Variants in SLCO2B1 observed in about 807,000 individuals in gnomAD.
SLCO2B1 encodes the protein solute carrier organic anion transporter family member 2B1, also known as OATP-RP2.
SLCO2B1 carries 41 observed loss-of-function variants against 67.3 expected under a neutral mutation model. The observed-to-expected ratio is 0.61, with a 90% CI of 0.47 to 0.79. The LOEUF (loss-of-function observed/expected upper bound fraction) is 0.79, where lower values mean the gene tolerates loss of function less well. Ranked by LOEUF, SLCO2B1 falls within the 30% of genes least tolerant of loss-of-function variation. The pLI, the probability that SLCO2B1 is intolerant of heterozygous loss-of-function variation, is 0.00. For missense variants in SLCO2B1, 837 were observed against 920.1 expected, an observed-to-expected ratio of 0.91 and a Z score of 1.17; for synonymous variants, 379 against 381.4, an observed-to-expected ratio of 0.99 and a Z score of 0.07.
intron 7 of SLCO2B1, among the ~76,000 whole-genome samples, chr11:75,175,822 TGAC>T (rs1264869164): frequency 1.3e-5 from 2 of 152,130 alleles, no homozygotes; most frequent in Non-Finnish European, 2.9e-5. Context: ...GAATGACAAA[TGAC>T]AGCTCAGATT....
chr11:75,153,539 A>G (rs533825118), intron 1 of SLCO2B1, among the ~76,000 whole-genome samples: 1 of 152,340 alleles, frequency 6.6e-6, no homozygotes, highest in African/African-American at 2.4e-5. Context: ...TCTGCCTGGT[A>G]CCAGAGCTCT....
At chr11:75,186,932 TGGA>T (rs1944945221) in intron 7 of SLCO2B1, among the ~76,000 whole-genome samples, 1 of 152,258 alleles carries the variant, frequency 6.6e-6, no homozygotes, top group Non-Finnish European at 1.5e-5. Context: ...GCTCAGGCTC[TGGA>T]GCCAAGCCGT....
chr11:75,162,721 C>A lies in SLCO2B1; in HGVS notation c.83C>A (p.Thr28Lys), dbSNP rs1949836662. Residue 28 changes from threonine to lysine, a missense_variant, in exon 2 of 14, where the codon ACA (threonine) becomes AAA (lysine). By Grantham distance (78) the Thr-to-Lys change is moderately conservative. Coordinates refer to ENST00000289575, the MANE Select transcript of SLCO2B1 (RefSeq NM_007256.5). ...AAAGCCACAATGGGCACAGAAAACA[C>A]ACCTGGAGGCAAAGCCAGCCCAGAC... ...ETKATMGTEN[T>K]PGGKASPDPQ... The A allele has an allele frequency of 6.2e-7, 1 of 1,611,348 alleles. No individual in the cohort carries two copies. Among genetic ancestry groups the A allele is most frequent in the Non-Finnish European group, 8.5e-7 (1 of 1,177,968 alleles).
In SLCO2B1 at chr11:75,165,960, C is replaced by T. The variant is rs1389886453; in HGVS notation, c.448+11C>T. On this transcript the variant is annotated intron_variant, in intron 4 of 13. Coordinates refer to ENST00000289575, the MANE Select transcript of SLCO2B1 (RefSeq NM_007256.5). ...ACAACACCAGCCCTGGTAAGAGCAG[C>T]AGGGGCTGGGCAGGAGTGGGACGTT... The T allele has an allele frequency of 1.9e-6, 3 of 1,610,582 alleles. No individual in the cohort carries two copies. The highest frequency in any genetic ancestry group is 2.7e-5 in the African/African-American group (2 of 74,950).
At chr11:75,179,194 G>A (rs1950063716) in intron 7 of SLCO2B1, among the ~76,000 whole-genome samples, 1 of 144,822 alleles carries the variant, frequency 6.9e-6, no homozygotes, top group Non-Finnish European at 1.5e-5. Context: ...GTGCATAGGT[G>A]GGTATGTTTA....
intron 10 of SLCO2B1, 139 bp from the exon 11 acceptor site, chr11:75,200,085 C>T (rs991698179): frequency 6.9e-5 from 57 of 832,062 alleles, no homozygotes; most frequent in Non-Finnish European, 8.9e-5. Flanking sequence ...CAACGGGTCA[C>T]GATCTCGGAC....
At position 75,193,468 on chromosome 11, in the gene SLCO2B1, C is replaced by T. The variant is rs765196244; in HGVS notation, c.1326C>T (p.Cys442=). 7 of 1,611,534 alleles carry T rather than the reference C, an allele frequency of 4.3e-6. No homozygotes were observed. Among genetic ancestry groups the T allele is most frequent in the South Asian group, 1.1e-5 (1 of 90,918 alleles). ...GGCTCCACCTGGGCCCTGTGGGATG[C>T]GGTGCCCTTTGCCTGCTGGGGATGC... The part of the protein sequence containing the change: ...VKRLHLGPVG[C]GALCLLGMLL... The change falls in exon 9 of 14, where the codon TGC becomes TGT. Residue 442 remains cysteine (C), a synonymous_variant. Transcript: ENST00000289575. The surrounding 1 kb of genome is among the most constrained non-coding windows in gnomAD (Gnocchi z 4.2).
chr11:75,172,194 G>A (rs142495298), intron 6 of SLCO2B1, among the ~76,000 whole-genome samples, 185 bp from the exon 7 acceptor site: 11 of 152,298 alleles, frequency 7.2e-5, no homozygotes, highest in African/African-American at 2.6e-4. Flanking sequence ...AGAAGCCAAG[G>A]CTCGGAAAGG....
chr11:75,203,757 G>A (rs750326583), intron 13 of SLCO2B1: 1 of 279,454 alleles, frequency 3.6e-6, no homozygotes, highest in Non-Finnish European at 6.8e-6. Flanking sequence ...GTGAAGGGCT[G>A]GGGAGAAAGC....
intron 7 of SLCO2B1, among the ~76,000 whole-genome samples, chr11:75,179,471 A>G (rs1312149900): frequency 6.6e-6 from 1 of 151,924 alleles, no homozygotes; most frequent in Non-Finnish European, 1.5e-5. Context: ...ACCTCAAGTG[A>G]TCCACCCCCC....
At chr11:75,161,997 AAG>A (rs1949826795) in intron 1 of SLCO2B1, among the ~76,000 whole-genome samples, 1 of 152,154 alleles carries the variant, frequency 6.6e-6, no homozygotes, top group African/African-American at 2.4e-5. Flanking sequence ...CTCTGTCCAC[AAG>A]AGTGTTAAGT....
At position 75,193,788 on chromosome 11, in the gene SLCO2B1, A is replaced by T. The variant is rs573007341; in HGVS notation, c.1433+213A>T. 5.9e-5 allele frequency among the ~76,000 whole-genome samples: 9 copies of T among 152,334 alleles called. No homozygotes were observed. In the South Asian group the frequency reaches 1.7e-3, roughly 28 times the overall value. On this transcript the variant is annotated intron_variant, in intron 9 of 13. Coordinates refer to ENST00000289575, the MANE Select transcript of SLCO2B1 (RefSeq NM_007256.5). The surrounding 1 kb of genome is among the most constrained non-coding windows in gnomAD (Gnocchi z 4.2). ...TCAGGCACCACTGGAAGGGGCATGG[A>T]TGAGACTTCAGGGGCAGAAACTCTC...
intron 11 of SLCO2B1, chr11:75,202,661 A>G (rs2140348276): frequency 1.8e-6 from 1 of 550,660 alleles, no homozygotes; most frequent in East Asian, 2.9e-5. Context: ...AAACATACAG[A>G]GGTCAGCACA....
chr11:75,203,272 G>A, intron 12 of SLCO2B1, 35 bp from the exon 13 acceptor site: 1 of 1,607,744 alleles, frequency 6.2e-7, no homozygotes, highest in Non-Finnish European at 8.5e-7. Context: ...TAGGACGGTG[G>A]GCCTTCATTG....
At chr11:75,191,949 G>A (rs1945028473) in intron 8 of SLCO2B1, among the ~76,000 whole-genome samples, 1 of 152,176 alleles carries the variant, frequency 6.6e-6, no homozygotes, top group Admixed American at 6.5e-5. Context: ...TGCAGTGGGG[G>A]CAACCTGTGA....
At chr11:75,203,182 G>A (rs1008076924) in intron 12 of SLCO2B1, 125 bp from the exon 13 acceptor site, 45 of 1,388,134 alleles carry the variant, frequency 3.2e-5, no homozygotes, top group African/African-American at 5.7e-5. Context: ...GGGGTGGGGC[G>A]GGCTTGAGGG....
chr11:75,190,790 G>A (rs986622290), intron 8 of SLCO2B1, among the ~76,000 whole-genome samples: 2 of 152,148 alleles, frequency 1.3e-5, no homozygotes, highest in Non-Finnish European at 2.9e-5. Context: ...CTAGCTGGGT[G>A]AGGCTCCTGG....
At position 75,160,190 on chromosome 11, in the gene SLCO2B1, G is replaced by A. The variant is rs1015283647; in HGVS notation, c.17-2465G>A. ...CACCTGGTTGGCTTGGCCCCTTGGT[G>A]GACTGGCACTGCTACCTATGAAGTG... On this transcript the variant is annotated intron_variant, in intron 1 of 13. Transcript: ENST00000289575. Among the ~76,000 whole-genome samples, 7 of 152,366 alleles carry A rather than the reference G, an allele frequency of 4.6e-5. No homozygotes were observed. In the East Asian group the frequency reaches 1.3e-3, roughly 29 times the overall value.
At chr11:75,177,800 A>G (rs1341212504) in intron 7 of SLCO2B1, among the ~76,000 whole-genome samples, 1 of 152,202 alleles carries the variant, frequency 6.6e-6, no homozygotes, top group Non-Finnish European at 1.5e-5. Context: ...TCCTTAGCTC[A>G]GAACTCCAAA....
Sources: gnomAD v4.1 joint callset for allele counts (sites outside exome capture counted in the v4.1 genomes callset) on GRCh38, gnomAD v4.1.1 for gene constraint, Gnocchi (gnomAD v3.1) non-coding constraint, MANE v1.5 for transcripts, NCBI Gene and HGNC (gene_info 2026-07-23, HGNC 2026-07-21) for gene names.